The following METTL13 variants were observed in gnomAD, a reference collection of about 807,000 sequenced individuals.
The protein encoded by METTL13 is methyltransferase 13, eEF1A N-terminus and K55.
In METTL13, 52 loss-of-function variants were observed where a neutral mutation model predicts 67.4. The ratio of observed to expected loss-of-function variants is 0.77; its 90% CI spans 0.62 to 0.97. METTL13 has a LOEUF of 0.97. Among genes scored for constraint, METTL13 ranks in the 50% least tolerant of loss-of-function variants. The probability of loss-of-function intolerance (pLI) is 0.00; values close to 1 mark genes in which losing one functional copy is unlikely to be tolerated. For missense variants in METTL13, 825 were observed against 889.6 expected, an observed-to-expected ratio of 0.93 and a Z score of 0.92; for synonymous variants, 354 against 353.6, an observed-to-expected ratio of 1.00 and a Z score of -0.01.
chr1:171,794,324 G>C, intron 6 of METTL13, 72 bp from the exon 7 acceptor site: 1 of 1,598,242 alleles, frequency 6.3e-7, no homozygotes, highest in Non-Finnish European at 8.6e-7. Context: ...TAAAGAGGAG[G>C]TATAGTGTTG....
Position 171,782,134 on chromosome 1 carries a change from G to T in METTL13, c.153+14G>T, listed in dbSNP as rs1432111607. 5 of 1,610,746 alleles carry T rather than the reference G, an allele frequency of 3.1e-6. No homozygotes were observed. Among genetic ancestry groups the T allele is most frequent in the African/African-American group, 1.3e-5 (1 of 74,822 alleles). On this transcript the variant is annotated intron_variant, in intron 1 of 7. Transcript: ENST00000361735. ...CCCAGGGAAAAGGTGAGGAGCGCGGGTTGGTAGCCCTTCGTACGTGCTCCG... is the reference window on the plus strand; with the variant it reads ...CCCAGGGAAAAGGTGAGGAGCGCGGTTTGGTAGCCCTTCGTACGTGCTCCG...
chr1:171,786,105 T>C, intron 3 of METTL13, 27 bp downstream of exon 3: 2 of 1,597,458 alleles, frequency 1.3e-6, no homozygotes, highest in Non-Finnish European at 1.7e-6. Flanking sequence ...ACGGCTTTCA[T>C]GGGTCTCTGA....
chr1:171,788,331 G>A (rs879746404), intron 4 of METTL13, among the ~76,000 whole-genome samples: 31 of 152,180 alleles, frequency 2.0e-4, no homozygotes, highest in Non-Finnish European at 4.0e-4. Flanking sequence ...GGGTGACTTA[G>A]AGGCCTTCTA....
At position 171,792,014 on chromosome 1, in the gene METTL13, C is replaced by A; in HGVS notation, c.1475-3C>A. ...AATGTGATGCTCTATTCTTTTCTTACAGAGATCCCACTGGCATTGTTGGTG... is the reference window on the plus strand; with the variant it reads ...AATGTGATGCTCTATTCTTTTCTTAAAGAGATCCCACTGGCATTGTTGGTG... On this transcript the variant is annotated splice_polypyrimidine_tract_variant and splice_region_variant and intron_variant, in intron 5 of 7. Transcript: ENST00000361735. 6.2e-7 allele frequency: 1 copy of A among 1,612,338 alleles called. No individual in the cohort carries two copies. The highest frequency in any genetic ancestry group is 8.5e-7 in the Non-Finnish European group (1 of 1,179,964).
intron 5 of METTL13, chr1:171,790,969 C>T (rs1657187036): frequency 6.0e-6 from 1 of 166,454 alleles, no homozygotes; most frequent in Admixed American, 6.3e-5. Context: ...GCAATTCTAT[C>T]TTGAATTTCT....
intron 1 of METTL13, among the ~76,000 whole-genome samples, 165 bp from the exon 2 acceptor site, chr1:171,783,575 G>C (rs1439737766): frequency 6.6e-6 from 1 of 151,994 alleles, no homozygotes; most frequent in Non-Finnish European, 1.5e-5. Flanking sequence ...GGTGTTTCAA[G>C]ATAGAGTCTA....
intron 4 of METTL13, among the ~76,000 whole-genome samples, chr1:171,788,805 C>T (rs1429074240): frequency 6.6e-6 from 1 of 152,258 alleles, no homozygotes; most frequent in Non-Finnish European, 1.5e-5. Flanking sequence ...AATGGCTCTC[C>T]TGATTCCCAG....
Position 171,784,509 on chromosome 1 carries a change from G to A in METTL13, c.913+10G>A, listed in dbSNP as rs751149292. ...TTTGCGATTTTCATCAGTGAGTTGG[G>A]ATTGCTCCCTCTCTTCCCTGGAGGG... On this transcript the variant is annotated intron_variant, in intron 2 of 7. Coordinates refer to ENST00000361735, the MANE Select transcript of METTL13 (RefSeq NM_015935.5). The A allele has an allele frequency of 6.7e-7, 1 of 1,495,560 alleles. No individual in the cohort carries two copies. The highest frequency in any genetic ancestry group is 8.9e-7 in the Non-Finnish European group (1 of 1,124,128). 92.6% of individuals were successfully genotyped at this position (1,495,560 alleles called of 1,614,324 possible).
chr1:171,790,446 G>C lies in METTL13; in HGVS notation c.1310-6G>C. 1 of 1,583,312 alleles carries C rather than the reference G, an allele frequency of 6.3e-7. No individual in the cohort carries two copies. The highest frequency in any genetic ancestry group is 8.6e-7 in the Non-Finnish European group (1 of 1,167,704). ...CTAAGCATAGGGCTTCATATCTCTT[G>C]TTTAGCCCAGAAGAAGCGGAAAAAG... On this transcript the variant is annotated splice_polypyrimidine_tract_variant and splice_region_variant and intron_variant, in intron 4 of 7. Transcript: ENST00000361735.
chr1:171,790,056 C>T (rs1657151658), intron 4 of METTL13, among the ~76,000 whole-genome samples: 1 of 152,122 alleles, frequency 6.6e-6, no homozygotes, highest in Admixed American at 6.5e-5. Flanking sequence ...AGGAAGCTTA[C>T]AATTATCACA....
At chr1:171,785,487 TCA>T (rs1324081001) in intron 2 of METTL13, among the ~76,000 whole-genome samples, 1 of 152,246 alleles carries the variant, frequency 6.6e-6, no homozygotes, top group South Asian at 2.1e-4. Flanking sequence ...CTTCTGTTTC[TCA>T]GTTTCCTCAT....
rs752501644 is a variant in METTL13, at chr1:171,787,754, G to T, written c.1133G>T (p.Gly378Val). The T allele has an allele frequency of 6.2e-7, 1 of 1,613,252 alleles. No homozygotes were observed. Among genetic ancestry groups the T allele is most frequent in the Admixed American group, 1.7e-5 (1 of 60,008 alleles). The change falls in exon 4 of 8, where the codon GGT (glycine) becomes GTT (valine). Residue 378 changes from glycine (G) to valine (V), a missense_variant. By Grantham distance (109) the Gly-to-Val change is moderately radical. Transcript: ENST00000361735. ...CTTCAGGTCCCCTTTCTGTCTGTGG[G>T]TGGGGACATTGGGGTCCGGACCGTT... ...TQQQVPFLSV[G>V]GDIGVRTVQH...
intron 2 of METTL13, among the ~76,000 whole-genome samples, chr1:171,784,877 A>G (rs1002335805): frequency 6.6e-6 from 1 of 152,226 alleles, no homozygotes; most frequent in African/African-American, 2.4e-5. Flanking sequence ...AGCAAGTCTA[A>G]GACATAGGTT....
rs920068214 is a variant in METTL13, at chr1:171,795,226, A to G, written c.1825+699A>G. On this transcript the variant is annotated intron_variant, in intron 7 of 7. Transcript: ENST00000361735. Reference sequence around the variant, plus strand: ...CATGGCTTATTTTTATTGCTGTGTTATATCATGTAACTTAACACAATTCGC... The same window carrying G: ...CATGGCTTATTTTTATTGCTGTGTTGTATCATGTAACTTAACACAATTCGC... Among the ~76,000 whole-genome samples the G allele has an allele frequency of 3.3e-5, 5 of 152,302 alleles. No homozygotes were observed. In the South Asian group the frequency reaches 6.2e-4, roughly 19 times the overall value.
chr1:171,782,179 A>G (rs1178561435), intron 1 of METTL13, 59 bp downstream of exon 1: 4 of 1,468,390 alleles, frequency 2.7e-6, no homozygotes, highest in Non-Finnish European at 3.8e-6. Context: ...AACTGGTAAC[A>G]GGAATCTTGC....
chr1:171,792,241 G>A lies in METTL13; in HGVS notation c.1693+6G>A, dbSNP rs1657233346. 1 of 1,613,970 alleles carries A rather than the reference G, an allele frequency of 6.2e-7. No homozygotes were observed. The highest frequency in any genetic ancestry group is 1.3e-5 in the African/African-American group (1 of 74,942). On this transcript the variant is annotated splice_donor_region_variant and intron_variant, in intron 6 of 7. Coordinates refer to ENST00000361735, the MANE Select transcript of METTL13 (RefSeq NM_015935.5). ...CTTGGCAGGAGGAGGAGAAGGTACT[G>A]CTCTTGGAGCATTTGAAGGGGTGTT...
At position 171,789,368 on chromosome 1, in the gene METTL13, TG is replaced by T. The variant is rs1657127026; in HGVS notation, c.1310-1082del. On this transcript the variant is annotated intron_variant, in intron 4 of 7. Coordinates refer to ENST00000361735, the MANE Select transcript of METTL13 (RefSeq NM_015935.5). The stretch of plus-strand genomic sequence containing the variant: ...GGGAGTGGTGAGAGGGAAAGTGGAG[TG>T]GCTTTTTAGGATTTATTTCCTTTTT... Among the ~76,000 whole-genome samples the T allele has an allele frequency of 3.9e-5, 6 of 152,040 alleles. No homozygotes were observed. The South Asian group carries it at 1.2e-3, about 32-fold the overall frequency.
At chr1:171,796,128 A>G (rs543473029) in intron 7 of METTL13, among the ~76,000 whole-genome samples, 1 of 152,308 alleles carries the variant, frequency 6.6e-6, no homozygotes, top group South Asian at 2.1e-4. Context: ...CAGCCTCCCA[A>G]AGTGATGGGA....
At chr1:171,792,801 C>T (rs151128092) in intron 6 of METTL13, among the ~76,000 whole-genome samples, 164 of 152,178 alleles carry the variant, frequency 1.1e-3, no homozygotes, top group African/African-American at 3.7e-3. Context: ...ATGTTCAGGA[C>T]GGGCACTGAT....
Sources: gnomAD v4.1 joint callset for allele counts (sites outside exome capture counted in the v4.1 genomes callset) on GRCh38, gnomAD v4.1.1 for gene constraint, MANE v1.5 for transcripts, NCBI Gene and HGNC (gene_info 2026-07-23, HGNC 2026-07-21) for gene names.